The following ZFP30 variants were observed in gnomAD, a reference collection of about 807,000 sequenced individuals.
The protein encoded by ZFP30 is zinc finger protein 30 homolog.
ZFP30 carries 16 observed loss-of-function variants against 12.3 expected under a neutral mutation model. The observed-to-expected ratio is 1.30, with a 90% CI of 0.88 to 1.98. ZFP30 has a LOEUF of 1.98. Ranked by LOEUF, ZFP30 falls within the 30% of genes most tolerant of loss-of-function variation. ZFP30 has a pLI of 0.00. For synonymous variants in ZFP30, 172 were observed against 201.0 expected, an observed-to-expected ratio of 0.86 and a Z score of 1.22; for missense variants, 560 against 611.2, an observed-to-expected ratio of 0.92 and a Z score of 0.88.
intron 5 of ZFP30, among the ~76,000 whole-genome samples, chr19:37,636,865 C>T (rs1042829504): frequency 6.6e-6 from 1 of 152,096 alleles, no homozygotes; most frequent in African/African-American, 2.4e-5. Flanking sequence ...AGTGCGCCAC[C>T]ATACTTGGCT....
intron 2 of ZFP30, among the ~76,000 whole-genome samples, chr19:37,649,534 A>G (rs193266902): frequency 2.9e-4 from 44 of 152,310 alleles, no homozygotes; most frequent in Admixed American, 2.0e-3. Flanking sequence ...CATTCACACA[A>G]TGGAAAATTA....
At chr19:37,646,885 T>C (rs936300930) in intron 3 of ZFP30, among the ~76,000 whole-genome samples, 3 of 152,192 alleles carry the variant, frequency 2.0e-5, no homozygotes, top group Non-Finnish European at 2.9e-5. Flanking sequence ...ATTACAGGCA[T>C]GAGCCACCAC....
chr19:37,644,477 T>G, intron 4 of ZFP30, 133 bp downstream of exon 4: 1 of 953,500 alleles, frequency 1.0e-6, no homozygotes. Context: ...GAGGTTGCAG[T>G]AAGCCAAGAT....
At chr19:37,645,212 C>CAA (rs1245292607) in intron 3 of ZFP30, among the ~76,000 whole-genome samples, 1 of 108,922 alleles carries the variant, frequency 9.2e-6, no homozygotes, top group Non-Finnish European at 1.9e-5. Context: ...GACTCCGTCT[C>CAA]AAAAAAAAAA....
chr19:37,654,934 G>T (rs1226793860), intron 1 of ZFP30, 55 bp from the exon 2 acceptor site: 1 of 152,278 alleles, frequency 6.6e-6, no homozygotes, highest in Non-Finnish European at 1.5e-5. Context: ...CCCGCGTCTG[G>T]GTTCGCAGCT....
At position 37,632,366 on chromosome 19, in the gene ZFP30, T is replaced by C. The variant is rs538973203; in HGVS notation, c.*2615A>G. Reference sequence around the variant, plus strand: ...GTATAGCAACTTATAACTTTAAAAATCCATAGCTGTCACTTTTATCATTCA... The same window carrying C: ...GTATAGCAACTTATAACTTTAAAAACCCATAGCTGTCACTTTTATCATTCA... On this transcript the variant is annotated 3_prime_UTR_variant, in exon 6 of 6. Transcript: ENST00000684514. 5.9e-5 allele frequency: 9 copies of C among 152,236 alleles called. No individual in the cohort carries two copies. In the East Asian group the frequency reaches 1.4e-3, roughly 23 times the overall value. 9.4% of individuals were successfully genotyped at this position (152,236 alleles called of 1,614,324 possible). A position where few individuals can be genotyped will look rare whatever the true frequency, so the allele number is the denominator to read the frequency against.
chr19:37,644,707 T>TA lies in ZFP30; in HGVS notation c.38dup (p.Asp14ArgfsTer27). ...ATTCCCATTCTTCCTGAGAAAAGTC[T>TA]ACAGCCACATCTCTGAACATCACCA... On this transcript the variant is annotated frameshift_variant, in exon 4 of 6. Transcript: ENST00000684514. LOFTEE classifies it high-confidence loss of function. The TA allele has an allele frequency of 6.2e-7, 1 of 1,613,580 alleles. No homozygotes were observed. Among genetic ancestry groups the TA allele is most frequent in the Non-Finnish European group, 8.5e-7 (1 of 1,179,768 alleles).
intron 2 of ZFP30, among the ~76,000 whole-genome samples, chr19:37,650,668 T>C (rs1216168925): frequency 6.6e-6 from 1 of 152,146 alleles, no homozygotes; most frequent in Non-Finnish European, 1.5e-5. Flanking sequence ...AGCTGTCTTT[T>C]ACCTACTCAA....
At chr19:37,653,428 T>C (rs1303092738) in intron 2 of ZFP30, among the ~76,000 whole-genome samples, 1 of 152,202 alleles carries the variant, frequency 6.6e-6, no homozygotes, top group Non-Finnish European at 1.5e-5. Flanking sequence ...CCTAGCAATT[T>C]AATATTTAAA....
rs769698824 is a variant in ZFP30 at position 37,635,574 on chromosome 19, C to T, written c.967G>A (p.Glu323Lys). Residue 323 changes from glutamate (E) to lysine (K), a missense_variant, in exon 6 of 6, where the codon GAA becomes AAA. Coordinates refer to ENST00000684514, the MANE Select transcript of ZFP30 (RefSeq NM_001320669.3). The part of the protein sequence containing the change: ...LRLHHKLHTG[E>K]KPYECKECGK... ...CACTCCTTACATTCATAGGGTTTTT[C>T]TCCAGTATGAAGTTTGTGATGTAGT... The T allele has an allele frequency of 6.2e-6, 10 of 1,614,054 alleles. No individual in the cohort carries two copies. The highest frequency in any genetic ancestry group is 8.5e-6 in the Non-Finnish European group (10 of 1,180,044).
chr19:37,647,487 A>G (rs2044565939), intron 3 of ZFP30, among the ~76,000 whole-genome samples: 1 of 152,162 alleles, frequency 6.6e-6, no homozygotes, highest in Admixed American at 6.5e-5. Flanking sequence ...GCCACCATGT[A>G]AGACATGCCT....
chr19:37,639,479 C>A (rs1599615407), intron 5 of ZFP30, among the ~76,000 whole-genome samples: 1 of 152,072 alleles, frequency 6.6e-6, no homozygotes, highest in African/African-American at 2.4e-5. Flanking sequence ...CACCTGTAAT[C>A]CCCAACTACT....
At position 37,635,864 on chromosome 19, in the gene ZFP30, C is replaced by A. The variant is rs772727663; in HGVS notation, c.677G>T (p.Gly226Val). The A allele has an allele frequency of 9.9e-6, 16 of 1,614,154 alleles. No individual in the cohort carries two copies. In the East Asian group the frequency reaches 2.7e-4, roughly 27 times the overall value. ...TCTCTGATGTACTCGAAGGTCTGAG[C>A]CACATGTGAAGATCTTTCCACATTT... ...CKKCGKIFTC[G>V]SDLRVHQRIH... Residue 226 changes from glycine (G) to valine (V), a missense_variant, in exon 6 of 6, where the codon GGC (glycine) becomes GTC (valine). Transcript: ENST00000684514.
rs1236947689 is a variant in ZFP30 at position 37,653,342 on chromosome 19, T to C, written c.-78+1370A>G. 2.0e-5 allele frequency among the ~76,000 whole-genome samples: 3 copies of C among 152,190 alleles called. No homozygotes were observed. In the East Asian group the frequency reaches 5.8e-4, roughly 29 times the overall value. ...AGTAAGAACTGCAGACAAAAACAAA[T>C]GCTCATTTCACAGCAGCTACTTAAT... is the stretch of plus-strand genomic sequence containing the variant. On this transcript the variant is annotated intron_variant, in intron 2 of 5. Coordinates refer to ENST00000684514, the MANE Select transcript of ZFP30 (RefSeq NM_001320669.3).
At position 37,631,468 on chromosome 19, in the gene ZFP30, A is replaced by C. The variant is rs1442523729; in HGVS notation, c.*3513T>G. On this transcript the variant is annotated 3_prime_UTR_variant, in exon 6 of 6. Coordinates refer to ENST00000684514, the MANE Select transcript of ZFP30 (RefSeq NM_001320669.3). Reference sequence around the variant, plus strand: ...TTTCATATTCCATTTGAGAAATGGAATATAATGATGTAATACACTGAACAT... The same window carrying C: ...TTTCATATTCCATTTGAGAAATGGACTATAATGATGTAATACACTGAACAT... 1 of 152,202 alleles carries C rather than the reference A, an allele frequency of 6.6e-6. No individual in the cohort carries two copies. Among genetic ancestry groups the C allele is most frequent in the East Asian group, 1.9e-4 (1 of 5,196 alleles). 9.4% of individuals were successfully genotyped at this position (152,202 alleles called of 1,614,324 possible).
chr19:37,636,614 G>A (rs182625138), intron 5 of ZFP30, among the ~76,000 whole-genome samples: 9 of 152,050 alleles, frequency 5.9e-5, no homozygotes, highest in South Asian at 4.2e-4. Context: ...GGACTCTGTC[G>A]AACACAAGGT....
rs888902307 is a variant in ZFP30, at chr19:37,647,884, TCCACAGACA to T, written c.-71_-63del. On this transcript the variant is annotated 5_prime_UTR_variant, in exon 3 of 6. Coordinates refer to ENST00000684514, the MANE Select transcript of ZFP30 (RefSeq NM_001320669.3). Reference sequence around the variant, plus strand: ...AGGTTCATGTACTTCAGAAGCAGGGTCCACAGACACCAGAGCTGCAGAAAGAACATGTAA... The same window carrying T: ...AGGTTCATGTACTTCAGAAGCAGGGTCCAGAGCTGCAGAAAGAACATGTAA... 189 of 1,583,512 alleles carry T rather than the reference TCCACAGACA, an allele frequency of 1.2e-4. 1 individual carries two copies. In the Admixed American group the frequency reaches 3.2e-3, roughly 26 times the overall value.
chr19:37,646,054 T>G (rs1279251983), intron 3 of ZFP30, among the ~76,000 whole-genome samples: 1 of 152,198 alleles, frequency 6.6e-6, no homozygotes, highest in African/African-American at 2.4e-5. Flanking sequence ...TTCATAAGTT[T>G]TCAACTCCAT....
chr19:37,652,067 CAACTT>C (rs1260672488), intron 2 of ZFP30, among the ~76,000 whole-genome samples: 1 of 152,016 alleles, frequency 6.6e-6, no homozygotes, highest in Non-Finnish European at 1.5e-5. Flanking sequence ...ATTTAAATCT[CAACTT>C]AACTGAAATT....
Sources: allele counts gnomAD v4.1 joint callset (sites outside exome capture counted in the v4.1 genomes callset), GRCh38; gene constraint gnomAD v4.1.1; transcripts MANE v1.5; gene names NCBI Gene and HGNC (gene_info 2026-07-23, HGNC 2026-07-21).